DOCK1: variants seen among roughly 807,000 people sequenced by gnomAD.
DOCK1 encodes the protein dedicator of cytokinesis 1, also known as dedicator of cytokinesis protein 1.
A neutral mutation model predicts 262.7 loss-of-function variants in DOCK1; 138 were observed. That is an observed-to-expected ratio of 0.53 (90% CI 0.46 to 0.61). The LOEUF (loss-of-function observed/expected upper bound fraction) is 0.61, where lower values mean the gene tolerates loss of function less well. Among genes scored for constraint, DOCK1 ranks in the 20% least tolerant of loss-of-function variants. The probability of loss-of-function intolerance (pLI) is 0.00; values close to 1 mark genes in which losing one functional copy is unlikely to be tolerated. For missense variants in DOCK1, 1,908 were observed against 2,370.7 expected (o/e 0.80, Z 4.05); for synonymous variants, 866 against 867.4 (o/e 1.00, Z 0.03).
At chr10:126,998,019 GT>G in intron 7 of DOCK1, 72 bp from the exon 8 acceptor site, 4 of 1,570,096 alleles carry the variant, frequency 2.5e-6, no homozygotes, top group Non-Finnish European at 3.5e-6. Context: ...TTTCTATTCT[GT>G]AGGGAATAAA....
intron 29 of DOCK1, among the ~76,000 whole-genome samples, chr10:127,309,281 G>A (rs2061980255): frequency 2.0e-5 from 3 of 151,790 alleles, no homozygotes; most frequent in African/African-American, 4.8e-5. Flanking sequence ...TTTTTGATGG[G>A]GTTGTTCATT....
chr10:127,149,071 T>C (rs2133425388), intron 27 of DOCK1, among the ~76,000 whole-genome samples: 1 of 152,208 alleles, frequency 6.6e-6, no homozygotes, highest in African/African-American at 2.4e-5. Flanking sequence ...AAGGGAGAGG[T>C]GTTTTTCAGC....
chr10:127,375,016 AGACGCCTGGGC>A (rs1480546274), intron 35 of DOCK1, among the ~76,000 whole-genome samples: 2 of 152,274 alleles, frequency 1.3e-5, no homozygotes, highest in Non-Finnish European at 2.9e-5. Flanking sequence ...CATGGAGAAC[AGACGCCTGGGC>A]GACCTTGGCT....
chr10:126,996,397 AAAAAAAG>A (rs2040195927), intron 6 of DOCK1, among the ~76,000 whole-genome samples: 1 of 151,432 alleles, frequency 6.6e-6, no homozygotes, highest in Non-Finnish European at 1.5e-5. Flanking sequence ...AAAAAAAAAA[AAAAAAAG>A]TATGCCTTAA....
At chr10:127,021,117 T>C (rs1450019604) in intron 13 of DOCK1, among the ~76,000 whole-genome samples, 1 of 152,212 alleles carries the variant, frequency 6.6e-6, no homozygotes, top group East Asian at 1.9e-4. Flanking sequence ...GTTTGCTTAC[T>C]GTAAATGAGG....
intron 4 of DOCK1, among the ~76,000 whole-genome samples, chr10:126,985,105 C>T (rs746683519): frequency 4.0e-5 from 6 of 151,618 alleles, no homozygotes; most frequent in African/African-American, 7.3e-5. Context: ...CTCAGCCTCC[C>T]AAGTAGCTGG....
chr10:127,408,241 C>G (rs1565067899), intron 40 of DOCK1, among the ~76,000 whole-genome samples: 5 of 152,172 alleles, frequency 3.3e-5, no homozygotes, highest in Non-Finnish European at 7.3e-5. Context: ...ATAACAACCC[C>G]AGTGGACTGA....
At chr10:127,062,969 T>G (rs544112258) in intron 23 of DOCK1, among the ~76,000 whole-genome samples, 1 of 152,228 alleles carries the variant, frequency 6.6e-6, no homozygotes, top group South Asian at 2.1e-4. Context: ...GCCTGAGTGT[T>G]CTTTAGGATG....
intron 46 of DOCK1, among the ~76,000 whole-genome samples, chr10:127,425,652 G>A (rs566432568): frequency 1.4e-4 from 21 of 152,320 alleles, no homozygotes; most frequent in African/African-American, 4.6e-4. Flanking sequence ...TAGCCGTGGT[G>A]TAGGGCGCAC....
Position 127,018,738 on chromosome 10 carries a change from T to C in DOCK1, c.1230T>C (p.Pro410=). 1 of 1,614,046 alleles carries C rather than the reference T, an allele frequency of 6.2e-7. No individual in the cohort carries two copies. The change falls in exon 13 of 52, where the codon CCT becomes CCC. Residue 410 remains proline (P), a synonymous_variant. Coordinates refer to ENST00000623213, the MANE Select transcript of DOCK1 (RefSeq NM_001290223.2). ...TGTGGGTAACATTGAAATTACTTCC[T>C]GGAGATATCCATCAGATCCGAAAAG... ...QGLWVTLKLL[P]GDIHQIRKEF...
chr10:127,201,652 A>G (rs1159629023), intron 27 of DOCK1, among the ~76,000 whole-genome samples: 1 of 152,138 alleles, frequency 6.6e-6, no homozygotes, highest in Non-Finnish European at 1.5e-5. Context: ...GTATGGGAAT[A>G]AGGAAGAGCA....
chr10:127,001,878 T>G (rs1223155473), intron 10 of DOCK1, among the ~76,000 whole-genome samples: 1 of 152,194 alleles, frequency 6.6e-6, no homozygotes, highest in Admixed American at 6.5e-5. Context: ...TCTGTCTTTT[T>G]GTTTTTATGA....
At chr10:126,934,744 C>T (rs983511679) in intron 1 of DOCK1, among the ~76,000 whole-genome samples, 2,828 of 131,868 alleles carry the variant, frequency 0.021, 45 homozygotes, top group African/African-American at 0.037. Context: ...TTGGAATTTA[C>T]GAGTTTTTTT....
chr10:127,241,560 C>T, intron 27 of DOCK1, among the ~76,000 whole-genome samples: 1 of 152,060 alleles, frequency 6.6e-6, no homozygotes, highest in East Asian at 1.9e-4. Flanking sequence ...GCTGAGCTGT[C>T]ATACTTTTGG....
intron 25 of DOCK1, among the ~76,000 whole-genome samples, chr10:127,113,404 T>G (rs2048985839): frequency 6.6e-6 from 1 of 152,186 alleles, no homozygotes; most frequent in African/African-American, 2.4e-5. Flanking sequence ...TCAGCTTGTG[T>G]GTTGCCTTAC....
Position 126,948,246 on chromosome 10 carries a change from GTGA to G in DOCK1, c.47-22453_47-22451del, listed in dbSNP as rs1379513942. Among the ~76,000 whole-genome samples the G allele has an allele frequency of 1.6e-3, 63 of 39,308 alleles. 1 individual carries two copies. Among genetic ancestry groups the G allele is most frequent in the Non-Finnish European group, 2.4e-3 (41 of 17,240 alleles). 25.8% of individuals were successfully genotyped at this position (39,308 alleles called of 152,430 possible). A position where few individuals can be genotyped will look rare whatever the true frequency, so the allele number is the denominator to read the frequency against. On this transcript the variant is annotated intron_variant, in intron 1 of 51. Transcript: ENST00000623213. ...GTGGTTGGTAGTATTACTGTTGGTG[GTGA>G]TGGTGGTGGTTGGTAGTATTACTGT...
At chr10:127,351,906 C>G (rs1342051468) in intron 31 of DOCK1, among the ~76,000 whole-genome samples, 1 of 152,028 alleles carries the variant, frequency 6.6e-6, no homozygotes, top group African/African-American at 2.4e-5. Flanking sequence ...CACAGCTCCC[C>G]ACTCTTCCTC....
intron 1 of DOCK1, among the ~76,000 whole-genome samples, chr10:126,929,181 G>A (rs946847684): frequency 6.6e-6 from 1 of 152,222 alleles, no homozygotes; most frequent in African/African-American, 2.4e-5. Flanking sequence ...GAATCCCAGA[G>A]GGTTAAGAGA....
intron 27 of DOCK1, among the ~76,000 whole-genome samples, chr10:127,210,508 A>C (rs188967004): frequency 2.9e-4 from 44 of 152,378 alleles, no homozygotes; most frequent in African/African-American, 1.0e-3. Context: ...CCGGGAAACC[A>C]GGAAATGCAC....
Sources: gnomAD v4.1 joint callset for allele counts (sites outside exome capture counted in the v4.1 genomes callset) on GRCh38, gnomAD v4.1.1 for gene constraint, MANE v1.5 for transcripts, NCBI Gene and HGNC (gene_info 2026-07-23, HGNC 2026-07-21) for gene names.